Variants in GLT6D1 observed in about 807,000 individuals in gnomAD.
GLT6D1 encodes the protein glycosyltransferase 6 domain containing 1, also known as putative glycosyltransferase 6 domain-containing protein 1.
GLT6D1 carries 9 observed loss-of-function variants against 12.3 expected under a neutral mutation model. The ratio of observed to expected loss-of-function variants is 0.73; its 90% confidence interval spans 0.44 to 1.27. The LOEUF (loss-of-function observed/expected upper bound fraction) is 1.27, where lower values mean the gene tolerates loss of function less well. GLT6D1 is among the 50% of genes most tolerant of loss of function. The pLI, the probability that GLT6D1 is intolerant of heterozygous loss-of-function variation, is 0.00. For synonymous variants in GLT6D1, 128 were observed against 132.3 expected, an observed-to-expected ratio of 0.97 and a Z score of 0.23; for missense variants, 335 against 346.2, an observed-to-expected ratio of 0.97 and a Z score of 0.26.
intron 3 of GLT6D1, among the ~76,000 whole-genome samples, chr9:135,630,395 ACT>A: frequency 8.0e-6 from 1 of 124,786 alleles, no homozygotes; most frequent in Non-Finnish European, 1.7e-5. Flanking sequence ...ACAGAGTGAG[ACT>A]CTGTCTCAGA....
At chr9:135,627,674 T>C (rs1457038333) in intron 3 of GLT6D1, among the ~76,000 whole-genome samples, 3 of 152,198 alleles carry the variant, frequency 2.0e-5, no homozygotes, top group Non-Finnish European at 2.9e-5. Flanking sequence ...TTCTCTTGGA[T>C]ATATATCTAG....
chr9:135,627,042 A>G (rs1158381848), intron 3 of GLT6D1, among the ~76,000 whole-genome samples: 2 of 152,170 alleles, frequency 1.3e-5, no homozygotes, highest in African/African-American at 4.8e-5. Context: ...TACAGTGCAC[A>G]CACTTCATAG....
chr9:135,628,341 A>T (rs7027901), intron 3 of GLT6D1, among the ~76,000 whole-genome samples: 148,681 of 152,196 alleles, frequency 0.98, 72,726 homozygotes, highest in East Asian at 1. Context: ...GATGATCCTG[A>T]GGTTTTTATA....
At chr9:135,634,442 CT>C (rs370291630) in intron 2 of GLT6D1, among the ~76,000 whole-genome samples, 1,193 of 54,840 alleles carry the variant, frequency 0.022, 18 homozygotes, top group African/African-American at 0.092. Context: ...TTTTCCTTTC[CT>C]TTTTTTTTTT....
intron 2 of GLT6D1, among the ~76,000 whole-genome samples, chr9:135,635,312 AAT>A (rs1276185499): frequency 2.6e-5 from 4 of 152,182 alleles, no homozygotes; most frequent in African/African-American, 9.7e-5. Flanking sequence ...TTCAATATAG[AAT>A]TTGTAAAAAA....
intron 2 of GLT6D1, among the ~76,000 whole-genome samples, chr9:135,637,132 A>G (rs1241717265): frequency 6.6e-6 from 1 of 151,960 alleles, no homozygotes; most frequent in South Asian, 2.1e-4. Flanking sequence ...GATTACAGGC[A>G]TGAGCCACCG....
chr9:135,630,107 A>G (rs2062747956), intron 3 of GLT6D1, among the ~76,000 whole-genome samples: 1 of 152,106 alleles, frequency 6.6e-6, no homozygotes. Flanking sequence ...TTTATTTTCT[A>G]TATGTCATGT....
At chr9:135,624,720 C>CTT (rs749044795) in intron 4 of GLT6D1, 50 bp from the exon 5 acceptor site, 2 of 820,518 alleles carry the variant, frequency 2.4e-6, no homozygotes, top group East Asian at 3.3e-5. Context: ...TTTTTCTTTT[C>CTT]TTTCTTTTTT....
chr9:135,638,262 A>G (rs1394965640), intron 2 of GLT6D1, among the ~76,000 whole-genome samples: 4 of 151,990 alleles, frequency 2.6e-5, no homozygotes, highest in Middle Eastern at 3.2e-3. Context: ...TGATTCAATT[A>G]CCTCCCCCGG....
At chr9:135,634,171 C>T (rs763099529) in intron 2 of GLT6D1, among the ~76,000 whole-genome samples, 1 of 152,186 alleles carries the variant, frequency 6.6e-6, no homozygotes, top group Non-Finnish European at 1.5e-5. Context: ...CTCTGTCTCC[C>T]AGGCTGGAGT....
rs553203288 is a variant in GLT6D1, at chr9:135,630,147, T to C, written c.119+1284A>G. On this transcript the variant is annotated intron_variant, in intron 3 of 4. Coordinates refer to ENST00000371763, the MANE Select transcript of GLT6D1 (RefSeq NM_182974.3). ...TTGGCCAGGCGTGGTGGCTCACACC[T>C]GTAATCCCAGCACTTTGGGAGGCTA... Among the ~76,000 whole-genome samples, 8 of 152,322 alleles carry C rather than the reference T, an allele frequency of 5.3e-5. No homozygotes were observed. In the Middle Eastern group the frequency reaches 0.01, roughly 194 times the overall value.
intron 2 of GLT6D1, among the ~76,000 whole-genome samples, chr9:135,634,121 G>T (rs968058497): frequency 1.3e-5 from 2 of 152,192 alleles, no homozygotes; most frequent in East Asian, 1.9e-4. Flanking sequence ...CAAAGCAGTG[G>T]GGGTGGTCAT....
chr9:135,623,864 C>A lies in GLT6D1; in HGVS notation c.*233G>T. 2.2e-6 allele frequency: 1 copy of A among 461,778 alleles called. No individual in the cohort carries two copies. 28.6% of individuals were successfully genotyped at this position (461,778 alleles called of 1,614,324 possible). A position where few individuals can be genotyped will look rare whatever the true frequency, so the allele number is the denominator to read the frequency against. ...CCTACATTAGCCAAATAAGATGGCT[C>A]AAAATGGCAAGAAGAAACATTTATT... On this transcript the variant is annotated 3_prime_UTR_variant, in exon 5 of 5. Coordinates refer to ENST00000371763, the MANE Select transcript of GLT6D1 (RefSeq NM_182974.3).
At chr9:135,639,705 A>G (rs1395268173), upstream of GLT6D1, among the ~76,000 whole-genome samples, 3 of 152,226 alleles carry the variant, frequency 2.0e-5, no homozygotes, top group Admixed American at 6.5e-5. Flanking sequence ...AGACTTTACA[A>G]TGGAAGTCTG....
chr9:135,623,786 GATA>G lies in GLT6D1; in HGVS notation c.*308_*310del, dbSNP rs137933459. On this transcript the variant is annotated 3_prime_UTR_variant, in exon 5 of 5. Transcript: ENST00000371763. ...ATTTTCACATTGTCTACAATACATAGATAATAACATTACTGTGTATTAACATTA... is the reference window on the plus strand; with the variant it reads ...ATTTTCACATTGTCTACAATACATAGATAACATTACTGTGTATTAACATTA... 0.056 allele frequency: 13,363 copies of G among 237,978 alleles called. 485 individuals carry two copies. The highest frequency in any genetic ancestry group is 0.15 in the East Asian group (1,349 of 9,256). 14.7% of individuals were successfully genotyped at this position (237,978 alleles called of 1,614,324 possible).
chr9:135,633,127 G>A (rs895222432), intron 2 of GLT6D1, among the ~76,000 whole-genome samples: 12 of 152,136 alleles, frequency 7.9e-5, no homozygotes, highest in South Asian at 2.1e-4. Flanking sequence ...TTGGTTTGCC[G>A]TTTCCCCTGC....
Position 135,624,367 on chromosome 9 carries a change from C to T in GLT6D1, c.561G>A (p.Leu187=). ...CGTGGAGCTGGGCCACCAACGGGCC[C>T]AGGGTCTCCACCCCGAACTCATTCT... is the stretch of plus-strand genomic sequence containing the variant. ...VFQNEFGVET[L]GPLVAQLHAW... Residue 187 remains leucine (L), a synonymous_variant, in exon 5 of 5, where the codon CTG becomes CTA. Coordinates refer to ENST00000371763, the MANE Select transcript of GLT6D1 (RefSeq NM_182974.3). 6.2e-7 allele frequency: 1 copy of T among 1,614,136 alleles called. No individual in the cohort carries two copies. Among genetic ancestry groups the T allele is most frequent in the Non-Finnish European group, 8.5e-7 (1 of 1,180,010 alleles).
intron 3 of GLT6D1, among the ~76,000 whole-genome samples, chr9:135,630,138 G>A (rs1833605885): frequency 6.6e-6 from 1 of 152,122 alleles, no homozygotes; most frequent in Admixed American, 6.5e-5. Context: ...AGGCGTGGTG[G>A]CTCACACCTG....
intron 3 of GLT6D1, among the ~76,000 whole-genome samples, chr9:135,628,976 G>T (rs1833577819): frequency 6.6e-6 from 1 of 151,764 alleles, no homozygotes; most frequent in Non-Finnish European, 1.5e-5. Context: ...TTACACTTTT[G>T]GCAAATTTGT....
Sources: gnomAD v4.1 joint callset for allele counts (sites outside exome capture counted in the v4.1 genomes callset) on GRCh38, gnomAD v4.1.1 for gene constraint, MANE v1.5 for transcripts, NCBI Gene and HGNC (gene_info 2026-07-23, HGNC 2026-07-21) for gene names.